Variants in CEMIP2 observed in about 807,000 individuals in gnomAD.
The protein encoded by CEMIP2 is cell surface hyaluronidase CEMIP2.
In CEMIP2, 79 loss-of-function variants were observed where a neutral mutation model predicts 146.9. The ratio of observed to expected loss-of-function variants is 0.54; its 90% CI spans 0.45 to 0.65. The LOEUF is 0.65. Among genes scored for constraint, CEMIP2 ranks in the 30% least tolerant of loss-of-function variants. The pLI is 0.00. For synonymous variants in CEMIP2, 601 were observed against 606.3 expected (o/e 0.99, Z 0.13); for missense variants, 1,596 against 1,696.2 (o/e 0.94, Z 1.04).
chr9:71,693,425 A>T (rs2131860437), intron 21 of CEMIP2, among the ~76,000 whole-genome samples: 1 of 152,350 alleles, frequency 6.6e-6, no homozygotes. Context: ...ACTTCCATCA[A>T]GCCACTTAGA....
Position 71,717,937 on chromosome 9 carries a change from A to T in CEMIP2, c.2399+11T>A, listed in dbSNP as rs749911104. Reference sequence around the variant, plus strand: ...GTGTCATCATATAATAACTTGGTAGAGAATACCCACGCTGAATTTTGAACG... The same window carrying T: ...GTGTCATCATATAATAACTTGGTAGTGAATACCCACGCTGAATTTTGAACG... On this transcript the variant is annotated intron_variant, in intron 13 of 23. Coordinates refer to ENST00000377044, the MANE Select transcript of CEMIP2 (RefSeq NM_013390.3). 27 of 1,601,132 alleles carry T rather than the reference A, an allele frequency of 1.7e-5. No homozygotes were observed. In the Admixed American group the frequency reaches 4.1e-4, roughly 25 times the overall value.
At position 71,704,584 on chromosome 9, in the gene CEMIP2, C is replaced by T. The variant is rs780405519; in HGVS notation, c.3194+11G>A. 5.0e-6 allele frequency: 8 copies of T among 1,613,582 alleles called. No individual in the cohort carries two copies. The highest frequency in any genetic ancestry group is 2.2e-5 in the East Asian group (1 of 44,888). On this transcript the variant is annotated intron_variant, in intron 18 of 23. Transcript: ENST00000377044. ...GCTCAACTATTTGAAATAACAGTAA[C>T]AGAAACATACTTGTTGAAGTTGACG...
intron 11 of CEMIP2, among the ~76,000 whole-genome samples, chr9:71,724,856 A>G (rs752590194): frequency 1.3e-5 from 2 of 152,178 alleles, no homozygotes; most frequent in Non-Finnish European, 2.9e-5. Context: ...ATCAACCCCT[A>G]GAAGGATATT....
rs1320033153 is a variant in CEMIP2 at position 71,746,294 on chromosome 9, G to T, written c.379C>A (p.Gln127Lys). 1.2e-6 allele frequency: 2 copies of T among 1,613,794 alleles called. No homozygotes were observed. The highest frequency in any genetic ancestry group is 1.7e-6 in the Non-Finnish European group (2 of 1,179,820). The change falls in exon 3 of 24, where the codon CAA becomes AAA. Residue 127 changes from glutamine (Q) to lysine (K), a missense_variant. Gln to Lys is a moderately conservative substitution (Grantham distance 53). Transcript: ENST00000377044. ...NPRLRNWDPG[Q>K]DSAKQVVIKE... ...ATAACAACTTGCTTTGCAGAATCTT[G>T]TCCTGGATCCCAATTCCTGAGACGA...
chr9:71,692,069 A>G (rs1391187815), intron 21 of CEMIP2, among the ~76,000 whole-genome samples: 1 of 151,592 alleles, frequency 6.6e-6, no homozygotes, highest in Non-Finnish European at 1.5e-5. Context: ...AGATCAAGCC[A>G]CTGCACTTCA....
chr9:71,735,142 C>A, intron 5 of CEMIP2, 148 bp from the exon 6 acceptor site: 1 of 884,332 alleles, frequency 1.1e-6, no homozygotes, highest in Non-Finnish European at 1.7e-6. Context: ...ATGTATTAGT[C>A]ACTCTACAGA....
At chr9:71,724,522 T>G (rs1248649460) in intron 11 of CEMIP2, among the ~76,000 whole-genome samples, 1 of 152,188 alleles carries the variant, frequency 6.6e-6, no homozygotes, top group Non-Finnish European at 1.5e-5. Context: ...ATCCTCTGAG[T>G]ATCATAAATG....
At chr9:71,704,434 C>CT in intron 18 of CEMIP2, 161 bp downstream of exon 18, 1 of 695,978 alleles carries the variant, frequency 1.4e-6, no homozygotes, top group Admixed American at 2.7e-5. Flanking sequence ...TGTATAATCT[C>CT]TTTAATTCCA....
At position 71,745,323 on chromosome 9, in the gene CEMIP2, C is replaced by A; in HGVS notation, c.729G>T (p.Leu243Phe). 6.2e-7 allele frequency: 1 copy of A among 1,613,498 alleles called. No homozygotes were observed. Among genetic ancestry groups the A allele is most frequent in the Non-Finnish European group, 8.5e-7 (1 of 1,179,452 alleles). Residue 243 changes from leucine to phenylalanine, a missense_variant, in exon 4 of 24, where the codon TTG becomes TTT. Physicochemically the swap from Leu to Phe is conservative, Grantham distance 22 (BLOSUM62 0). Transcript: ENST00000377044. ...HGARKASWTL[L>F]ARTLNSSGLP... ...AGCCTGAGGAATTCAGGGTCCTTGC[C>A]AACAACGTCCACGATGCCTTCCGTG...
chr9:71,736,009 A>T (rs1389372070), intron 5 of CEMIP2, among the ~76,000 whole-genome samples: 1 of 151,984 alleles, frequency 6.6e-6, no homozygotes, highest in Non-Finnish European at 1.5e-5. Context: ...TGGGAGGATC[A>T]CTTGAGCACA....
intron 1 of CEMIP2, among the ~76,000 whole-genome samples, chr9:71,758,878 C>A: frequency 6.6e-6 from 1 of 152,248 alleles, no homozygotes. Flanking sequence ...TCCCACAAGG[C>A]GCATTCTCCA....
At chr9:71,761,497 G>A (rs1360210365) in intron 1 of CEMIP2, among the ~76,000 whole-genome samples, 2 of 152,184 alleles carry the variant, frequency 1.3e-5, no homozygotes, top group South Asian at 2.1e-4. Context: ...ATAATCCAAG[G>A]CTGTTCAATC....
At chr9:71,695,919 C>G (rs12347965) in intron 20 of CEMIP2, among the ~76,000 whole-genome samples, 35,517 of 151,634 alleles carry the variant, frequency 0.23, 4,183 homozygotes, top group Non-Finnish European at 0.26. Context: ...ACTTTGAGAC[C>G]AGCCTAGGCA....
intron 1 of CEMIP2, among the ~76,000 whole-genome samples, chr9:71,754,954 T>G (rs778432003): frequency 3.4e-4 from 52 of 152,126 alleles, no homozygotes; most frequent in Non-Finnish European, 7.2e-4. Flanking sequence ...TAGCTAGTGC[T>G]TTTGTCTAAT....
upstream of CEMIP2, among the ~76,000 whole-genome samples, chr9:71,769,219 C>T (rs1263137683): frequency 6.6e-6 from 1 of 152,226 alleles, no homozygotes; most frequent in Admixed American, 6.5e-5. Flanking sequence ...CTGTCACTCC[C>T]TGGCTGAGCC....
intron 11 of CEMIP2, among the ~76,000 whole-genome samples, chr9:71,723,210 T>C (rs1409315148): frequency 6.9e-6 from 1 of 144,062 alleles, no homozygotes; most frequent in East Asian, 2.0e-4. Flanking sequence ...TGGAGAAGGC[T>C]AAAGAGGAGC....
chr9:71,715,762 C>T (rs896822192), intron 14 of CEMIP2, among the ~76,000 whole-genome samples: 16 of 150,948 alleles, frequency 1.1e-4, no homozygotes, highest in African/African-American at 3.9e-4. Flanking sequence ...GCTAAGATTA[C>T]AGGCATGCCA....
intron 13 of CEMIP2, among the ~76,000 whole-genome samples, chr9:71,717,711 A>T (rs1589142375): frequency 6.6e-6 from 1 of 152,294 alleles, no homozygotes. Context: ...GTTCAATTTC[A>T]TCAAAAACTC....
At position 71,684,171 on chromosome 9, in the gene CEMIP2, CT is replaced by C. The variant is rs1170252949; in HGVS notation, c.*1025del. 1 of 152,306 alleles carries C rather than the reference CT, an allele frequency of 6.6e-6. No homozygotes were observed. Among genetic ancestry groups the C allele is most frequent in the Non-Finnish European group, 1.5e-5 (1 of 68,032 alleles). The allele number at this position is 152,306 out of a possible 1,614,324, so 9.4% of individuals were successfully genotyped here. A position where few individuals can be genotyped will look rare whatever the true frequency, so the allele number is the denominator to read the frequency against. ...ACGATTCTGACCCTAGAAAGCGCTC[CT>C]TTTTTTCCTCCCTGGGTGTAATCAT... On this transcript the variant is annotated 3_prime_UTR_variant, in exon 24 of 24. Coordinates refer to ENST00000377044, the MANE Select transcript of CEMIP2 (RefSeq NM_013390.3).
Sources: allele counts gnomAD v4.1 joint callset (sites outside exome capture counted in the v4.1 genomes callset), GRCh38; gene constraint gnomAD v4.1.1; transcripts MANE v1.5; gene names NCBI Gene and HGNC (gene_info 2026-07-23, HGNC 2026-07-21).